POU2F1: variants seen among roughly 807,000 people sequenced by gnomAD.
POU2F1 encodes POU class 2 homeobox 1.
Under a neutral mutation model 84.9 loss-of-function variants are expected in POU2F1, and 16 were observed. The ratio of observed to expected loss-of-function variants is 0.19; its 90% CI spans 0.13 to 0.29. The LOEUF (loss-of-function observed/expected upper bound fraction) is 0.29. POU2F1 is among the 10% of genes least tolerant of loss of function. POU2F1 has a pLI of 1.00. For missense variants in POU2F1, 738 were observed against 942.6 expected, an observed-to-expected ratio of 0.78 and a Z score of 2.84; for synonymous variants, 368 against 368.3, an observed-to-expected ratio of 1.00 and a Z score of 0.01.
intron 1 of POU2F1, among the ~76,000 whole-genome samples, chr1:167,291,303 C>G (rs1342367581): frequency 6.6e-6 from 1 of 152,098 alleles, no homozygotes; most frequent in African/African-American, 2.4e-5. Context: ...TTATCCTTTG[C>G]TATTTGCAAG....
intron 1 of POU2F1, among the ~76,000 whole-genome samples, chr1:167,311,535 A>C (rs1655469940): frequency 6.6e-6 from 1 of 152,168 alleles, no homozygotes; most frequent in Non-Finnish European, 1.5e-5. Flanking sequence ...AATGATGGAC[A>C]GTGTATATAA....
At chr1:167,231,083 A>G (rs16858781) in intron 1 of POU2F1, among the ~76,000 whole-genome samples, 1,588 of 152,358 alleles carry the variant, frequency 0.01, 53 homozygotes, top group East Asian at 0.1. Flanking sequence ...TACTGGAAAG[A>G]CAGACTGAGA....
chr1:167,248,824 A>G (rs1410216332), intron 1 of POU2F1, among the ~76,000 whole-genome samples: 1 of 152,182 alleles, frequency 6.6e-6, no homozygotes, highest in Non-Finnish European at 1.5e-5. Context: ...TGTATTTTCC[A>G]TGTATTAACT....
intron 1 of POU2F1, among the ~76,000 whole-genome samples, chr1:167,286,359 T>C (rs1653525934): frequency 6.6e-6 from 1 of 152,202 alleles, no homozygotes; most frequent in South Asian, 2.1e-4. Context: ...CCTGAGTTAC[T>C]GTCTCATGTG....
At chr1:167,376,322 G>A (rs548759732) in intron 7 of POU2F1, among the ~76,000 whole-genome samples, 167 bp downstream of exon 7, 70 of 152,222 alleles carry the variant, frequency 4.6e-4, no homozygotes, top group African/African-American at 1.6e-3. Context: ...TTTGTTTTTT[G>A]TCATAAATAC....
At chr1:167,358,668 G>C (rs927437352) in intron 2 of POU2F1, among the ~76,000 whole-genome samples, 75 of 143,516 alleles carry the variant, frequency 5.2e-4, no homozygotes, top group Non-Finnish European at 1.1e-3. Flanking sequence ...TAATTGTATT[G>C]ACATGAAACG....
intron 2 of POU2F1, among the ~76,000 whole-genome samples, chr1:167,363,983 G>A (rs1166935633): frequency 6.6e-6 from 1 of 152,232 alleles, no homozygotes; most frequent in Non-Finnish European, 1.5e-5. Flanking sequence ...ACATGTAAGT[G>A]TAAGGATGGG....
intron 2 of POU2F1, among the ~76,000 whole-genome samples, chr1:167,339,628 T>C (rs1256742781): frequency 6.6e-6 from 1 of 152,234 alleles, no homozygotes; most frequent in Non-Finnish European, 1.5e-5. Context: ...CCTGGGTTCA[T>C]GCACTGACAC....
intron 1 of POU2F1, among the ~76,000 whole-genome samples, chr1:167,225,069 TC>T (rs763719302): frequency 6.6e-6 from 1 of 152,062 alleles, no homozygotes; most frequent in Non-Finnish European, 1.5e-5. Context: ...CCTCAAGGGA[TC>T]CACCCGCCTC....
intron 1 of POU2F1, among the ~76,000 whole-genome samples, chr1:167,322,494 C>A (rs1057419057): frequency 1.3e-5 from 2 of 152,216 alleles, no homozygotes; most frequent in African/African-American, 4.8e-5. Context: ...GCAGAAGGCT[C>A]ACAGCTTTTG....
intron 1 of POU2F1, among the ~76,000 whole-genome samples, chr1:167,306,619 A>G (rs1655082831): frequency 6.6e-6 from 1 of 152,196 alleles, no homozygotes; most frequent in South Asian, 2.1e-4. Context: ...ACGGTACTAC[A>G]AACAACAGAA....
intron 10 of POU2F1, chr1:167,396,641 G>A (rs191822854): frequency 9.4e-4 from 466 of 493,518 alleles, no homozygotes; most frequent in African/African-American, 1.8e-3. Context: ...ATAATTAGCC[G>A]TAATTTTTAG....
chr1:167,404,583 G>T (rs1018165606), intron 13 of POU2F1, among the ~76,000 whole-genome samples: 13 of 152,106 alleles, frequency 8.5e-5, no homozygotes, highest in Non-Finnish European at 1.6e-4. Flanking sequence ...TCAAGAGTAG[G>T]TGACTTTGGT....
intron 2 of POU2F1, among the ~76,000 whole-genome samples, chr1:167,356,301 A>G (rs1557921071): frequency 6.6e-6 from 1 of 150,508 alleles, no homozygotes; most frequent in East Asian, 2.0e-4. Context: ...CTGCCTGGCC[A>G]CAAAGGCAGT....
intron 2 of POU2F1, among the ~76,000 whole-genome samples, chr1:167,348,111 G>A (rs565686722): frequency 7.2e-5 from 11 of 152,306 alleles, no homozygotes; most frequent in African/African-American, 2.6e-4. Context: ...ACATCATAGA[G>A]TATGTTTCAC....
intron 2 of POU2F1, among the ~76,000 whole-genome samples, chr1:167,346,385 T>A (rs1453665004): frequency 6.6e-6 from 1 of 152,158 alleles, no homozygotes; most frequent in African/African-American, 2.4e-5. Context: ...ATCCAATCAT[T>A]ACAATCAAGT....
At chr1:167,357,821 T>G (rs1659064738) in intron 2 of POU2F1, among the ~76,000 whole-genome samples, 1 of 148,522 alleles carries the variant, frequency 6.7e-6, no homozygotes. Flanking sequence ...TTTTTTTTTT[T>G]TGAGACAGAG....
chr1:167,393,825 C>G (rs1340423833), intron 9 of POU2F1, among the ~76,000 whole-genome samples: 3 of 152,062 alleles, frequency 2.0e-5, no homozygotes. Flanking sequence ...CATCTAACTG[C>G]TACATAAGTT....
chr1:167,262,133 G>A (rs759295496), intron 1 of POU2F1, among the ~76,000 whole-genome samples: 4 of 152,188 alleles, frequency 2.6e-5, no homozygotes, highest in Admixed American at 6.5e-5. Context: ...TAGCACAGCA[G>A]CTAATTACAG....
Sources: gnomAD v4.1 joint callset for allele counts (sites outside exome capture counted in the v4.1 genomes callset) on GRCh38, gnomAD v4.1.1 for gene constraint, MANE v1.5 for transcripts, NCBI Gene and HGNC (gene_info 2026-07-23, HGNC 2026-07-21) for gene names.